The following UNC5C variants were observed in gnomAD, a reference collection of about 807,000 sequenced individuals.
UNC5C encodes the protein netrin receptor UNC5C.
UNC5C carries 47 observed loss-of-function variants against 99.8 expected under a neutral mutation model. That is an observed-to-expected ratio of 0.47 (90% CI 0.37 to 0.60). The LOEUF is 0.60. UNC5C is among the 20% of genes least tolerant of loss of function. The pLI, the probability that UNC5C is intolerant of heterozygous loss-of-function variation, is 0.00. For missense variants in UNC5C, 1,062 were observed against 1,165.9 expected (o/e 0.91, Z 1.30); for synonymous variants, 487 against 452.2 (o/e 1.08, Z -0.98).
intron 1 of UNC5C, among the ~76,000 whole-genome samples, chr4:95,457,244 T>C (rs1331219942): frequency 1.3e-5 from 2 of 152,162 alleles, no homozygotes; most frequent in African/African-American, 2.4e-5. Context: ...ACCTGTTATA[T>C]GTACTGATTG....
chr4:95,319,154 G>T (rs1742586982), intron 2 of UNC5C, among the ~76,000 whole-genome samples: 1 of 152,124 alleles, frequency 6.6e-6, no homozygotes, highest in African/African-American at 2.4e-5. Flanking sequence ...TTGTACCCTG[G>T]TTTTCAAGCC....
At chr4:95,259,482 C>T (rs1489286398) in intron 4 of UNC5C, among the ~76,000 whole-genome samples, 1 of 152,106 alleles carries the variant, frequency 6.6e-6, no homozygotes, top group Non-Finnish European at 1.5e-5. Flanking sequence ...GGGGCAAAGT[C>T]CACTCAATAT....
chr4:95,471,397 G>A (rs918506205), intron 1 of UNC5C, among the ~76,000 whole-genome samples: 2 of 152,170 alleles, frequency 1.3e-5, no homozygotes, highest in South Asian at 2.1e-4. Context: ...TAGAAATTAC[G>A]CAGTGTTTAA....
chr4:95,308,203 A>G (rs1312014752), intron 2 of UNC5C, among the ~76,000 whole-genome samples: 3 of 152,176 alleles, frequency 2.0e-5, no homozygotes, highest in African/African-American at 7.2e-5. Flanking sequence ...CATTTGGAGA[A>G]TCCTATAAAT....
At chr4:95,449,192 C>T (rs1747210013) in intron 1 of UNC5C, among the ~76,000 whole-genome samples, 1 of 152,334 alleles carries the variant, frequency 6.6e-6, no homozygotes, top group Non-Finnish European at 1.5e-5. Context: ...TTACCTGGCC[C>T]TTCTCAAAAC....
chr4:95,417,583 C>T (rs1319006885), intron 1 of UNC5C, among the ~76,000 whole-genome samples: 1 of 152,116 alleles, frequency 6.6e-6, no homozygotes, highest in Admixed American at 6.5e-5. Context: ...AGCTAATTAG[C>T]AATACATAAA....
chr4:95,498,322 T>G (rs1485605), intron 1 of UNC5C, among the ~76,000 whole-genome samples: 9,373 of 152,016 alleles, frequency 0.062, 490 homozygotes, highest in African/African-American at 0.13. Context: ...TAGCCTCAAA[T>G]CAGAATTATA....
At chr4:95,514,173 G>A (rs1258355097) in intron 1 of UNC5C, among the ~76,000 whole-genome samples, 1 of 151,998 alleles carries the variant, frequency 6.6e-6, no homozygotes, top group Non-Finnish European at 1.5e-5. Flanking sequence ...TTCAAAAATT[G>A]TCAATAGTAA....
intron 1 of UNC5C, among the ~76,000 whole-genome samples, chr4:95,338,428 C>G (rs1743429551): frequency 6.6e-6 from 1 of 152,032 alleles, no homozygotes; most frequent in African/African-American, 2.4e-5. Flanking sequence ...AAACATCCAG[C>G]ATGACTATAG....
chr4:95,250,884 C>T (rs747697394), intron 4 of UNC5C, among the ~76,000 whole-genome samples: 53 of 152,326 alleles, frequency 3.5e-4, no homozygotes, highest in Non-Finnish European at 6.8e-4. Context: ...ACCTGCCAAA[C>T]ATGCTGATTC....
chr4:95,238,366 A>G (rs1444157488), intron 7 of UNC5C, among the ~76,000 whole-genome samples: 3 of 152,162 alleles, frequency 2.0e-5, no homozygotes, highest in Non-Finnish European at 4.4e-5. Context: ...AAGTCTTAAC[A>G]TTTTAGCTAT....
chr4:95,224,047 C>T (rs1038078528), intron 7 of UNC5C, among the ~76,000 whole-genome samples: 3 of 152,146 alleles, frequency 2.0e-5, no homozygotes, highest in African/African-American at 4.8e-5. Flanking sequence ...CTTTAAGATG[C>T]TGAGGCAGGT....
intron 5 of UNC5C, 97 bp from the exon 6 acceptor site, chr4:95,245,241 A>G: frequency 1.5e-6 from 2 of 1,324,770 alleles, no homozygotes; most frequent in Non-Finnish European, 2.0e-6. Context: ...ACAAAGAGTT[A>G]TTTTCCAAGC....
rs1735741827 is a variant in UNC5C at position 95,163,245 on chromosome 4, T to G, written c.*5989A>C. ...GAGTAGACATCTGAGTTTTTACCCCTACATGTACAGATGCCATTTGTTACT... is the reference window on the plus strand; with the variant it reads ...GAGTAGACATCTGAGTTTTTACCCCGACATGTACAGATGCCATTTGTTACT... On this transcript the variant is annotated 3_prime_UTR_variant, in exon 16 of 16. Coordinates refer to ENST00000453304, the MANE Select transcript of UNC5C (RefSeq NM_003728.4). The G allele has an allele frequency of 6.6e-6, 1 of 152,228 alleles. No individual in the cohort carries two copies. Among genetic ancestry groups the G allele is most frequent in the South Asian group, 2.1e-4 (1 of 4,828 alleles). 9.4% of individuals were successfully genotyped at this position (152,228 alleles called of 1,614,324 possible).
intron 7 of UNC5C, among the ~76,000 whole-genome samples, chr4:95,238,986 A>G (rs975046855): frequency 6.6e-6 from 1 of 152,056 alleles, no homozygotes; most frequent in Non-Finnish European, 1.5e-5. Flanking sequence ...TTTTACATCT[A>G]CTTTACTCTA....
At chr4:95,533,387 A>T (rs1708064133) in intron 1 of UNC5C, among the ~76,000 whole-genome samples, 1 of 151,726 alleles carries the variant, frequency 6.6e-6, no homozygotes, top group Non-Finnish European at 1.5e-5. Context: ...TAAGAGCAGA[A>T]CTCCGTCTCA....
chr4:95,326,941 T>C (rs1373500857), intron 2 of UNC5C, among the ~76,000 whole-genome samples: 1 of 152,214 alleles, frequency 6.6e-6, no homozygotes, highest in African/African-American at 2.4e-5. Flanking sequence ...CTAAATATGA[T>C]TATAAGTCAG....
intron 3 of UNC5C, among the ~76,000 whole-genome samples, chr4:95,301,114 T>C (rs1741855764): frequency 6.6e-6 from 1 of 151,346 alleles, no homozygotes; most frequent in Admixed American, 6.6e-5. Context: ...AAAAAGAAAA[T>C]TAAAAATAAA....
At position 95,242,540 on chromosome 4, in the gene UNC5C, T is replaced by C; in HGVS notation, c.997A>G (p.Thr333Ala). ...SKWSTCGTEC[T>A]HWRRRECTAP... ...GTGCACTCCCTCCTGCGCCAGTGGG[T>C]GCACTCAGTTCCACAAGTAGACCAC... Residue 333 changes from threonine (T) to alanine (A), a missense_variant, in exon 7 of 16, where the codon ACC (threonine) becomes GCC (alanine). Physicochemically the swap from Thr to Ala is moderately conservative, Grantham distance 58. This residue lies in a region of UNC5C where 810 missense variants were observed against 854.5 expected (regional missense o/e 0.95). Transcript: ENST00000453304. The C allele has an allele frequency of 6.2e-7, 1 of 1,610,844 alleles. No individual in the cohort carries two copies. Among genetic ancestry groups the C allele is most frequent in the Non-Finnish European group, 8.5e-7 (1 of 1,178,486 alleles).
Sources: gnomAD v4.1 joint callset for allele counts (sites outside exome capture counted in the v4.1 genomes callset) on GRCh38, gnomAD v4.1.1 for gene constraint, gnomAD v4.1.1 regional missense constraint, MANE v1.5 for transcripts, NCBI Gene and HGNC (gene_info 2026-07-23, HGNC 2026-07-21) for gene names.